The following TPRG1 variants were observed in gnomAD, a reference collection of about 807,000 sequenced individuals.
TPRG1 encodes the protein tumor protein p63-regulated gene 1 protein.
TPRG1 carries 29 observed loss-of-function variants against 29.3 expected under a neutral mutation model. The ratio of observed to expected loss-of-function variants is 0.99; its 90% CI spans 0.74 to 1.35. The LOEUF is 1.35. Ranked by LOEUF, TPRG1 falls within the 40% of genes most tolerant of loss-of-function variation. TPRG1 has a pLI of 0.00. For synonymous variants in TPRG1, 130 were observed against 116.8 expected (o/e 1.11, Z -0.73); for missense variants, 327 against 335.0 (o/e 0.98, Z 0.19).
chr3:189,230,285 G>A (rs1183390898), intron 3 of TPRG1, among the ~76,000 whole-genome samples: 1 of 152,182 alleles, frequency 6.6e-6, no homozygotes, highest in East Asian at 1.9e-4. Flanking sequence ...GCGGCTTGAT[G>A]GAATGTATGC....
chr3:189,116,042 A>T (rs1721124066), intron 1 of TPRG1, among the ~76,000 whole-genome samples: 1 of 152,220 alleles, frequency 6.6e-6, no homozygotes, highest in African/African-American at 2.4e-5. Flanking sequence ...TGATGGAAAT[A>T]TAAAATGGTA....
chr3:189,162,704 C>A (rs943634690), intron 5 of TPRG1, among the ~76,000 whole-genome samples: 2 of 152,024 alleles, frequency 1.3e-5, no homozygotes, highest in African/African-American at 4.8e-5. Context: ...AGGTAGAAAA[C>A]CCTAGGAGAT....
At chr3:189,310,730 A>T (rs1305162951) in intron 5 of TPRG1, among the ~76,000 whole-genome samples, 191 bp downstream of exon 5, 1 of 152,064 alleles carries the variant, frequency 6.6e-6, no homozygotes, top group Non-Finnish European at 1.5e-5. Context: ...AAAGAGTCAA[A>T]CTGTTTTTAT....
chr3:189,049,359 G>A (rs1037626110), intron 4 of TPRG1, among the ~76,000 whole-genome samples: 3 of 152,048 alleles, frequency 2.0e-5, no homozygotes, highest in African/African-American at 7.2e-5. Flanking sequence ...GCTGGGTGAG[G>A]CCTCTGACTG....
intron 4 of TPRG1, among the ~76,000 whole-genome samples, chr3:189,032,434 A>T (rs1208328097): frequency 6.6e-6 from 1 of 152,168 alleles, no homozygotes; most frequent in African/African-American, 2.4e-5. Flanking sequence ...ATACAGTGGT[A>T]ATTTGTTACA....
rs1328615807 is a variant in TPRG1, at chr3:189,321,061, C to A, written c.*241C>A. Reference sequence around the variant, plus strand: ...AGAAAATAAATGCTGCTGAGCCTATCAAATACTGTTATCAAATGAGTGCCT... The same window carrying A: ...AGAAAATAAATGCTGCTGAGCCTATAAAATACTGTTATCAAATGAGTGCCT... On this transcript the variant is annotated 3_prime_UTR_variant, in exon 6 of 6. Coordinates refer to ENST00000345063, the MANE Select transcript of TPRG1 (RefSeq NM_198485.4). 2.2e-5 allele frequency: 6 copies of A among 278,846 alleles called. No homozygotes were observed. The highest frequency in any genetic ancestry group is 2.6e-5 in the Non-Finnish European group (4 of 151,594). The allele number at this position is 278,846 out of a possible 1,614,324, so 17.3% of individuals were successfully genotyped here. A position where few individuals can be genotyped will look rare whatever the true frequency, so the allele number is the denominator to read the frequency against.
At chr3:189,285,523 T>C (rs1717910027) in intron 4 of TPRG1, among the ~76,000 whole-genome samples, 1 of 152,204 alleles carries the variant, frequency 6.6e-6, no homozygotes, top group Non-Finnish European at 1.5e-5. Context: ...TAAGTAGATT[T>C]CTTACTGATA....
chr3:189,084,073 C>T (rs1717776572), intron 4 of TPRG1, among the ~76,000 whole-genome samples: 1 of 151,984 alleles, frequency 6.6e-6, no homozygotes, highest in Non-Finnish European at 1.5e-5. Context: ...ATCACTTGAA[C>T]CTGGGAGGCG....
chr3:189,230,157 G>A (rs1738409865), intron 3 of TPRG1, among the ~76,000 whole-genome samples: 1 of 152,190 alleles, frequency 6.6e-6, no homozygotes, highest in African/African-American at 2.4e-5. Context: ...AAGAGAGAAG[G>A]ATGGGGGCGT....
chr3:189,316,868 T>C (rs1723622458), intron 5 of TPRG1, among the ~76,000 whole-genome samples: 1 of 152,164 alleles, frequency 6.6e-6, no homozygotes, highest in Non-Finnish European at 1.5e-5. Flanking sequence ...ATAGATTTAG[T>C]TCAGGTGCTT....
intron 3 of TPRG1, among the ~76,000 whole-genome samples, chr3:189,138,146 G>A (rs766840105): frequency 1.3e-5 from 2 of 152,146 alleles, no homozygotes; most frequent in Non-Finnish European, 2.9e-5. Flanking sequence ...TTCTGGGTGG[G>A]TGTGTTAGAG....
intron 4 of TPRG1, among the ~76,000 whole-genome samples, chr3:189,255,427 G>A (rs1055751008): frequency 3.3e-5 from 5 of 152,138 alleles, no homozygotes; most frequent in African/African-American, 4.8e-5. Context: ...TGGTTTGCTA[G>A]CATTTTACTG....
rs192605663 is a variant in TPRG1 at position 189,040,508 on chromosome 3, C to T, written c.-463+16562C>T. 5.8e-3 allele frequency among the ~76,000 whole-genome samples: 877 copies of T among 151,992 alleles called. 7 individuals are homozygous for T. The highest frequency in any genetic ancestry group is 0.024 in the Middle Eastern group (7 of 294). ...CTGTCTTCTCTTGCTCTCAAAATAC[C>T]ACCTCAGGCCATTGCTTGGCTTCCT... On this transcript the variant is annotated intron_variant, in intron 4 of 10. Coordinates refer to the TPRG1 transcript ENST00000433971.
rs142505576 is a variant in TPRG1 at position 189,206,808 on chromosome 3, CGTGTGTGTGT to C, written c.-9-556_-9-547del. Among the ~76,000 whole-genome samples, 4 of 147,730 alleles carry C rather than the reference CGTGTGTGTGT, an allele frequency of 2.7e-5. No individual in the cohort carries two copies. In the South Asian group the frequency reaches 6.5e-4, roughly 24 times the overall value. ...GAGTCACCATGCCCAGCTGAACAACCGTGTGTGTGTGTGTGTGTGTGCACGCGTGTATGCA... is the reference window on the plus strand; with the variant it reads ...GAGTCACCATGCCCAGCTGAACAACCGTGTGTGTGTGCACGCGTGTATGCA... On this transcript the variant is annotated intron_variant, in intron 1 of 5. Transcript: ENST00000345063.
At chr3:189,255,322 C>G (rs962113162) in intron 4 of TPRG1, among the ~76,000 whole-genome samples, 1 of 152,102 alleles carries the variant, frequency 6.6e-6, no homozygotes, top group Non-Finnish European at 1.5e-5. Flanking sequence ...TAATGGATTA[C>G]GTTTATTGAT....
At chr3:189,290,702 C>A (rs1315561120) in intron 4 of TPRG1, among the ~76,000 whole-genome samples, 1 of 152,110 alleles carries the variant, frequency 6.6e-6, no homozygotes, top group South Asian at 2.1e-4. Context: ...TAGAAGAAGA[C>A]GTTTAGGAGA....
At chr3:189,169,012 A>G (rs1274066757), upstream of TPRG1, among the ~76,000 whole-genome samples, 3 of 152,194 alleles carry the variant, frequency 2.0e-5, no homozygotes, top group South Asian at 2.1e-4. Flanking sequence ...AGCTTGTGTG[A>G]TCATCAGGAT....
chr3:189,238,663 A>T, intron 3 of TPRG1, 70 bp from the exon 4 acceptor site: 1 of 1,313,802 alleles, frequency 7.6e-7, no homozygotes, highest in Admixed American at 2.0e-5. Flanking sequence ...GTGCTAGGAG[A>T]GATGTGAAGG....
chr3:189,023,075 C>T (rs1713448908), intron 3 of TPRG1, among the ~76,000 whole-genome samples: 6 of 152,240 alleles, frequency 3.9e-5, no homozygotes, highest in Admixed American at 3.3e-4. Context: ...AATACCTCGC[C>T]CTGCTTTGGC....
Sources: gnomAD v4.1 joint callset for allele counts (sites outside exome capture counted in the v4.1 genomes callset) on GRCh38, gnomAD v4.1.1 for gene constraint, MANE v1.5 for transcripts, NCBI Gene and HGNC (gene_info 2026-07-23, HGNC 2026-07-21) for gene names.